The following NRXN3 variants were observed in gnomAD, a reference collection of about 807,000 sequenced individuals.
NRXN3 encodes neurexin 3.
In NRXN3, 32 loss-of-function variants were observed where a neutral mutation model predicts 137.6. The observed-to-expected ratio is 0.23, with a 90% CI of 0.18 to 0.31. NRXN3 has a LOEUF of 0.31. Ranked by LOEUF, NRXN3 falls within the 10% of genes least tolerant of loss-of-function variation. The probability of loss-of-function intolerance (pLI) is 1.00; values close to 1 mark genes in which losing one functional copy is unlikely to be tolerated. For missense variants in NRXN3, 1,574 were observed against 2,062.5 expected, an observed-to-expected ratio of 0.76 and a Z score of 4.59; for synonymous variants, 798 against 784.5, an observed-to-expected ratio of 1.02 and a Z score of -0.29.
intron 4 of NRXN3, among the ~76,000 whole-genome samples, chr14:78,579,997 G>T (rs1266526025): frequency 6.6e-6 from 1 of 152,112 alleles, no homozygotes; most frequent in Non-Finnish European, 1.5e-5. Flanking sequence ...TTTTTGGGAG[G>T]ATTAAATGAG....
rs746580539 is a variant in NRXN3 at position 78,651,148 on chromosome 14, C to G, written c.1060-17C>G. 1.6e-5 allele frequency: 25 copies of G among 1,610,204 alleles called. No individual in the cohort carries two copies. The East Asian group carries it at 5.4e-4, about 35-fold the overall frequency. On this transcript the variant is annotated splice_polypyrimidine_tract_variant and intron_variant, in intron 5 of 20. Coordinates refer to ENST00000335750, the MANE Select transcript of NRXN3 (RefSeq NM_001330195.2). ...GTCATTGTTGGGATTTTTTTTGTCC[C>G]TATGTCCCTCCACCAGGTGACAATC...
At chr14:78,525,407 G>A (rs544595069) in intron 4 of NRXN3, among the ~76,000 whole-genome samples, 1 of 152,160 alleles carries the variant, frequency 6.6e-6, no homozygotes, top group South Asian at 2.1e-4. Flanking sequence ...AGATGTTAAG[G>A]TTCCTTTATA....
intron 15 of NRXN3, among the ~76,000 whole-genome samples, chr14:79,071,458 AT>A (rs2099687666): frequency 6.6e-6 from 1 of 152,170 alleles, no homozygotes; most frequent in South Asian, 2.1e-4. Context: ...TGAGAAACAC[AT>A]TTTTTAAATA....
At chr14:78,791,432 A>T (rs982005938) in intron 8 of NRXN3, among the ~76,000 whole-genome samples, 4 of 152,302 alleles carry the variant, frequency 2.6e-5, no homozygotes, top group Admixed American at 6.5e-5. Context: ...AAGCCAACCC[A>T]GGAGGAATGG....
intron 4 of NRXN3, among the ~76,000 whole-genome samples, chr14:78,472,916 CTT>C (rs11407621): frequency 0.02 from 2,848 of 140,414 alleles, 96 homozygotes; most frequent in African/African-American, 0.07. Flanking sequence ...GAGAAAATGT[CTT>C]TTTTTTTTTT....
chr14:79,551,725 G>A (rs141131067), intron 16 of NRXN3, among the ~76,000 whole-genome samples: 136 of 152,290 alleles, frequency 8.9e-4, no homozygotes, highest in Non-Finnish European at 1.7e-3. Context: ...GAAATGCGCA[G>A]AGGGGAGGGG....
intron 10 of NRXN3, among the ~76,000 whole-genome samples, chr14:78,872,534 A>G (rs552906572): frequency 6.6e-6 from 1 of 151,826 alleles, no homozygotes; most frequent in African/African-American, 2.4e-5. Flanking sequence ...AGCCTATCCT[A>G]CATTGTCTAG....
At chr14:78,469,029 G>A (rs2095195801) in intron 4 of NRXN3, among the ~76,000 whole-genome samples, 1 of 152,092 alleles carries the variant, frequency 6.6e-6, no homozygotes, top group Non-Finnish European at 1.5e-5. Flanking sequence ...GAGAAAATAA[G>A]TTTAGAGTTT....
At chr14:78,182,032 A>G (rs1406922339) in intron 1 of NRXN3, among the ~76,000 whole-genome samples, 1 of 150,846 alleles carries the variant, frequency 6.6e-6, no homozygotes, top group African/African-American at 2.4e-5. Context: ...GTATGTCTAT[A>G]ATTACACATT....
chr14:79,346,057 T>A (rs969963043), intron 15 of NRXN3, among the ~76,000 whole-genome samples: 2 of 152,216 alleles, frequency 1.3e-5, no homozygotes, highest in African/African-American at 4.8e-5. Flanking sequence ...CTAAATGATC[T>A]TCTTGCTTCA....
intron 10 of NRXN3, among the ~76,000 whole-genome samples, chr14:78,926,989 T>TATATATA (rs1555588395): frequency 6.2e-5 from 5 of 80,898 alleles, no homozygotes; most frequent in South Asian, 6.9e-4. Context: ...TATTTTTATA[T>TATATATA]ATATATATAA....
intron 15 of NRXN3, among the ~76,000 whole-genome samples, chr14:79,038,616 T>C (rs2099620096): frequency 6.6e-6 from 1 of 152,158 alleles, no homozygotes; most frequent in African/African-American, 2.4e-5. Context: ...TATCTCTAGG[T>C]AATTGTTGAC....
intron 8 of NRXN3, among the ~76,000 whole-genome samples, chr14:78,731,349 T>C (rs140366757): frequency 1.1e-3 from 173 of 152,202 alleles, no homozygotes; most frequent in African/African-American, 4.0e-3. Context: ...TTTAAAAAAA[T>C]AAACACTGAT....
At chr14:79,607,275 A>C (rs2098032701) in intron 16 of NRXN3, among the ~76,000 whole-genome samples, 1 of 152,256 alleles carries the variant, frequency 6.6e-6, no homozygotes, top group Non-Finnish European at 1.5e-5. Flanking sequence ...ACTTGTAAAG[A>C]AATGATCTTT....
chr14:79,750,597 A>C (rs1165376952), intron 19 of NRXN3, among the ~76,000 whole-genome samples: 1 of 152,160 alleles, frequency 6.6e-6, no homozygotes, highest in African/African-American at 2.4e-5. Context: ...ATGAGACCTG[A>C]AAGTAGAACC....
chr14:78,352,127 A>G (rs2083612817), intron 4 of NRXN3, among the ~76,000 whole-genome samples: 1 of 151,764 alleles, frequency 6.6e-6, no homozygotes, highest in Non-Finnish European at 1.5e-5. Flanking sequence ...GCATTGCCTT[A>G]TATTTTCTTC....
chr14:78,701,313 A>G (rs142955956), intron 6 of NRXN3, among the ~76,000 whole-genome samples: 228 of 152,308 alleles, frequency 1.5e-3, no homozygotes, highest in African/African-American at 5.3e-3. Flanking sequence ...AATCCATCAA[A>G]TAAATACTTG....
In NRXN3 at chr14:78,561,718, A is replaced by G. The variant is rs145521461; in HGVS notation, c.758-83402A>G. Among the ~76,000 whole-genome samples, 555 of 152,332 alleles carry G rather than the reference A, an allele frequency of 3.6e-3. 7 individuals carry two copies. Among genetic ancestry groups the G allele is most frequent in the African/African-American group, 0.013 (541 of 41,574 alleles). ...CTCCAATTTGTCATCGGCTCCTCTT[A>G]AATTCAGCACTCAGTCATGAAAATG... On this transcript the variant is annotated intron_variant, in intron 4 of 20. Transcript: ENST00000335750.
chr14:78,196,977 G>A (rs2153384994), intron 1 of NRXN3, among the ~76,000 whole-genome samples: 1 of 152,318 alleles, frequency 6.6e-6, no homozygotes, highest in East Asian at 1.9e-4. Context: ...GATGGCTTGG[G>A]TTTGGAGCTG....
Sources: allele counts gnomAD v4.1 joint callset (sites outside exome capture counted in the v4.1 genomes callset), GRCh38; gene constraint gnomAD v4.1.1; transcripts MANE v1.5; gene names NCBI Gene and HGNC (gene_info 2026-07-23, HGNC 2026-07-21).